Variants in GALNTL6 observed in about 807,000 individuals in gnomAD.
The protein encoded by GALNTL6 is polypeptide N-acetylgalactosaminyltransferase like 6.
GALNTL6 carries 46 observed loss-of-function variants against 73.7 expected under a neutral mutation model. The observed-to-expected ratio is 0.62, with a 90% CI of 0.49 to 0.80. GALNTL6 has a LOEUF of 0.80. Ranked by LOEUF, GALNTL6 falls within the 30% of genes least tolerant of loss-of-function variation. The pLI, the probability that GALNTL6 is intolerant of heterozygous loss-of-function variation, is 0.00. For missense variants in GALNTL6, 604 were observed against 755.0 expected, an observed-to-expected ratio of 0.80 and a Z score of 2.34; for synonymous variants, 259 against 263.7, an observed-to-expected ratio of 0.98 and a Z score of 0.17.
intron 5 of GALNTL6, among the ~76,000 whole-genome samples, chr4:172,398,718 T>C (rs982147834): frequency 2.0e-5 from 3 of 152,198 alleles, no homozygotes; most frequent in Non-Finnish European, 4.4e-5. Context: ...ACTCTACAAA[T>C]ATATTCAATT....
chr4:172,127,401 G>A (rs1159351332), intron 2 of GALNTL6, among the ~76,000 whole-genome samples: 1 of 152,220 alleles, frequency 6.6e-6, no homozygotes, highest in African/African-American at 2.4e-5. Context: ...AGGCCCACAT[G>A]CAACAGCCGC....
chr4:172,009,217 A>G (rs1740928369), intron 2 of GALNTL6, among the ~76,000 whole-genome samples: 1 of 152,114 alleles, frequency 6.6e-6, no homozygotes, highest in African/African-American at 2.4e-5. Context: ...GAGGTAATTA[A>G]GGAAATTGTC....
At chr4:172,707,077 C>T (rs1734401916) in intron 5 of GALNTL6, among the ~76,000 whole-genome samples, 1 of 152,076 alleles carries the variant, frequency 6.6e-6, no homozygotes, top group African/African-American at 2.4e-5. Context: ...ACCATCAGTC[C>T]ACGGGGACTT....
At chr4:172,597,522 A>G (rs1476472118) in intron 5 of GALNTL6, among the ~76,000 whole-genome samples, 2 of 152,160 alleles carry the variant, frequency 1.3e-5, no homozygotes, top group Non-Finnish European at 2.9e-5. Context: ...AAGAGTCTAC[A>G]TTATTTTGCT....
intron 5 of GALNTL6, among the ~76,000 whole-genome samples, chr4:172,786,125 G>GA (rs376095222): frequency 0.05 from 7,223 of 143,836 alleles, 278 homozygotes; most frequent in African/African-American, 0.11. Context: ...AGACACTAAT[G>GA]AAAAAAAAAA....
At chr4:172,590,117 C>T (rs1737576138) in intron 5 of GALNTL6, among the ~76,000 whole-genome samples, 1 of 152,210 alleles carries the variant, frequency 6.6e-6, no homozygotes, top group Non-Finnish European at 1.5e-5. Flanking sequence ...TATTCTCCTT[C>T]ACCTCAAGTC....
intron 7 of GALNTL6, among the ~76,000 whole-genome samples, chr4:172,868,325 C>T (rs1229809436): frequency 1.3e-5 from 2 of 152,104 alleles, no homozygotes; most frequent in Non-Finnish European, 2.9e-5. Context: ...CATGGAAGAT[C>T]CTTTTTCACA....
At chr4:171,918,586 G>T (rs563494811) in intron 2 of GALNTL6, among the ~76,000 whole-genome samples, 1 of 152,020 alleles carries the variant, frequency 6.6e-6, no homozygotes, top group Non-Finnish European at 1.5e-5. Flanking sequence ...CAATATGGAG[G>T]TTCCTCAAAA....
At position 171,835,933 on chromosome 4, in the gene GALNTL6, G is replaced by C. The variant is rs112489676; in HGVS notation, c.138+21215G>C. On this transcript the variant is annotated intron_variant, in intron 2 of 12. Coordinates refer to ENST00000506823, the MANE Select transcript of GALNTL6 (RefSeq NM_001034845.3). ...TTTTTTAAATGTTATTGTAAGATAG[G>C]GTGCAATCAATTGATAGTTGAACGA... Among the ~76,000 whole-genome samples, 685 of 151,942 alleles carry C rather than the reference G, an allele frequency of 4.5e-3. 3 individuals carry two copies. Among genetic ancestry groups the C allele is most frequent in the African/African-American group, 0.016 (646 of 41,476 alleles).
At chr4:172,164,208 G>A (rs1426117733) in intron 2 of GALNTL6, among the ~76,000 whole-genome samples, 1 of 151,902 alleles carries the variant, frequency 6.6e-6, no homozygotes, top group East Asian at 1.9e-4. Flanking sequence ...TTGAATTTCT[G>A]TTTCAAACAA....
chr4:172,888,628 G>C (rs577209445), intron 8 of GALNTL6, among the ~76,000 whole-genome samples: 3 of 152,008 alleles, frequency 2.0e-5, no homozygotes, highest in Admixed American at 6.6e-5. Flanking sequence ...GTCTGTTTTC[G>C]TACCAGTACC....
rs529092364 is a variant in GALNTL6 at position 172,935,409 on chromosome 4, G to GA, written c.1149+4142dup. 3.3e-5 allele frequency among the ~76,000 whole-genome samples: 5 copies of GA among 152,156 alleles called. No homozygotes were observed. In the South Asian group the frequency reaches 1.0e-3, roughly 32 times the overall value. On this transcript the variant is annotated intron_variant, in intron 9 of 12. Transcript: ENST00000506823. The stretch of plus-strand genomic sequence containing the variant: ...GAGCAAACAAATTCAAAAGCTAGCA[G>GA]AGACAAGAAATAACTAAAATCAGAG...
intron 2 of GALNTL6, among the ~76,000 whole-genome samples, chr4:171,836,456 AATG>A (rs1405272670): frequency 6.6e-6 from 1 of 152,078 alleles, no homozygotes; most frequent in Non-Finnish European, 1.5e-5. Context: ...GAAAGAATAG[AATG>A]ATAATATTTC....
chr4:172,924,997 G>A (rs2111302407), intron 8 of GALNTL6, among the ~76,000 whole-genome samples: 1 of 151,990 alleles, frequency 6.6e-6, no homozygotes, highest in African/African-American at 2.4e-5. Flanking sequence ...TCAGCCTCCC[G>A]AGTACCTGGG....
intron 5 of GALNTL6, among the ~76,000 whole-genome samples, chr4:172,382,750 C>A (rs1743328709): frequency 6.6e-6 from 1 of 152,014 alleles, no homozygotes; most frequent in Non-Finnish European, 1.5e-5. Flanking sequence ...AGATTTAAAT[C>A]CAATTTAGGT....
At chr4:173,021,437 A>C in intron 11 of GALNTL6, 39 bp from the exon 12 acceptor site, 3 of 1,610,914 alleles carry the variant, frequency 1.9e-6, no homozygotes, top group Middle Eastern at 1.7e-4. Flanking sequence ...TCTCCAAAAC[A>C]AACTCACTGC....
chr4:172,285,939 T>C (rs11932449), intron 3 of GALNTL6, among the ~76,000 whole-genome samples: 1,852 of 152,284 alleles, frequency 0.012, 36 homozygotes, highest in African/African-American at 0.042. Context: ...AGTACTTGGA[T>C]GAAAAATACA....
At chr4:171,966,062 G>C (rs762182869) in intron 2 of GALNTL6, among the ~76,000 whole-genome samples, 1 of 152,110 alleles carries the variant, frequency 6.6e-6, no homozygotes, top group African/African-American at 2.4e-5. Flanking sequence ...TTCTATGACA[G>C]ATTTCTTTTT....
intron 5 of GALNTL6, among the ~76,000 whole-genome samples, chr4:172,582,416 C>G (rs916934492): frequency 6.6e-6 from 1 of 152,032 alleles, no homozygotes; most frequent in African/African-American, 2.4e-5. Flanking sequence ...CCACAGATAC[C>G]ATAATCTGTG....
Sources: allele counts gnomAD v4.1 joint callset (sites outside exome capture counted in the v4.1 genomes callset), GRCh38; gene constraint gnomAD v4.1.1; transcripts MANE v1.5; gene names NCBI Gene and HGNC (gene_info 2026-07-23, HGNC 2026-07-21).